The following TEK variants were observed in gnomAD, a reference collection of about 807,000 sequenced individuals.
The protein encoded by TEK is TEK receptor tyrosine kinase.
TEK carries 43 observed loss-of-function variants against 131.8 expected under a neutral mutation model. The observed-to-expected ratio is 0.33, with a 90% CI of 0.26 to 0.42. The LOEUF (loss-of-function observed/expected upper bound fraction) is 0.42. Among genes scored for constraint, TEK ranks in the 10% least tolerant of loss-of-function variants. TEK has a pLI of 1.00. For synonymous variants in TEK, 580 were observed against 491.6 expected (o/e 1.18, Z -2.38); for missense variants, 1,162 against 1,384.4 (o/e 0.84, Z 2.55).
intron 1 of TEK, among the ~76,000 whole-genome samples, chr9:27,118,883 T>C (rs111405455): frequency 8.9e-4 from 136 of 152,266 alleles, no homozygotes; most frequent in African/African-American, 3.0e-3. Flanking sequence ...TCTTTCTTCA[T>C]AGAGGACACT....
chr9:27,185,446 C>T (rs1307751149), intron 8 of TEK, 39 bp from the exon 9 acceptor site: 1 of 1,613,004 alleles, frequency 6.2e-7, no homozygotes, highest in South Asian at 1.1e-5. Flanking sequence ...GTTTATGCCT[C>T]CCTAGAAGTT....
chr9:27,202,693 T>G, intron 12 of TEK, 127 bp from the exon 13 acceptor site: 1 of 971,864 alleles, frequency 1.0e-6, no homozygotes. Flanking sequence ...TACCAATTGA[T>G]TGGGGTACCA....
At chr9:27,109,736 A>AG in intron 1 of TEK, 94 bp downstream of exon 1, 5 of 1,278,172 alleles carry the variant, frequency 3.9e-6, no homozygotes, top group Non-Finnish European at 4.5e-6. Flanking sequence ...AGTGCTGATG[A>AG]ACAAGGGGTG....
Position 27,146,746 on chromosome 9 carries a change from G to C in TEK, c.53-11085G>C, listed in dbSNP as rs4311734. ...TTTTTTTTTTTTTTTTTTTTGGCGG[G>C]GGGGACGGAGTCTTGCTCTGTCTCC... On this transcript the variant is annotated intron_variant, in intron 1 of 22. Transcript: ENST00000380036. Among the ~76,000 whole-genome samples, 952 of 146,192 alleles carry C rather than the reference G, an allele frequency of 6.5e-3. 9 individuals are homozygous for C. Among genetic ancestry groups the C allele is most frequent in the East Asian group, 0.041 (211 of 5,092 alleles).
intron 1 of TEK, among the ~76,000 whole-genome samples, chr9:27,116,168 T>G (rs530265001): frequency 6.6e-6 from 1 of 152,206 alleles, no homozygotes; most frequent in East Asian, 1.9e-4. Flanking sequence ...GGGAGGAGAA[T>G]AAGTCATTGC....
chr9:27,198,064 C>A (rs1412729862), intron 12 of TEK, among the ~76,000 whole-genome samples: 1 of 122,432 alleles, frequency 8.2e-6, no homozygotes, highest in African/African-American at 2.9e-5. Context: ...CTTTTTTTTT[C>A]CAAAGTATTT....
intron 21 of TEK, among the ~76,000 whole-genome samples, chr9:27,227,649 C>G (rs374120503): frequency 6.6e-6 from 1 of 152,084 alleles, no homozygotes; most frequent in African/African-American, 2.4e-5. Flanking sequence ...TGTAAGAGCA[C>G]GAATCCCATT....
chr9:27,216,458 G>T (rs1825823836), intron 18 of TEK, among the ~76,000 whole-genome samples: 1 of 152,162 alleles, frequency 6.6e-6, no homozygotes, highest in Non-Finnish European at 1.5e-5. Flanking sequence ...GGGAGTGAAT[G>T]AGGGCAAAAA....
intron 12 of TEK, among the ~76,000 whole-genome samples, chr9:27,198,703 G>T (rs1274726791): frequency 6.6e-6 from 1 of 152,194 alleles, no homozygotes; most frequent in South Asian, 2.1e-4. Context: ...AGGTGTATCA[G>T]TATCTCCTGC....
At chr9:27,177,465 T>C (rs1167047035) in intron 6 of TEK, among the ~76,000 whole-genome samples, 1 of 152,190 alleles carries the variant, frequency 6.6e-6, no homozygotes, top group East Asian at 1.9e-4. Context: ...TTTTAAGAGA[T>C]GTCGGCTGGG....
intron 1 of TEK, among the ~76,000 whole-genome samples, chr9:27,112,695 C>T (rs1821393442): frequency 6.6e-6 from 1 of 152,158 alleles, no homozygotes; most frequent in Non-Finnish European, 1.5e-5. Flanking sequence ...GATTGTATCA[C>T]CTGCTTATTC....
At chr9:27,167,041 T>C (rs1232768799) in intron 2 of TEK, among the ~76,000 whole-genome samples, 1 of 152,200 alleles carries the variant, frequency 6.6e-6, no homozygotes, top group Non-Finnish European at 1.5e-5. Context: ...AGCTAATGCC[T>C]CCTTATGTCA....
At chr9:27,136,707 T>C (rs12552985) in intron 1 of TEK, among the ~76,000 whole-genome samples, 34,159 of 152,116 alleles carry the variant, frequency 0.22, 4,534 homozygotes, top group Admixed American at 0.3. Context: ...ACTTCACAAG[T>C]ATCAGTCTCC....
intron 1 of TEK, among the ~76,000 whole-genome samples, chr9:27,116,083 A>G (rs1821548434): frequency 6.6e-6 from 1 of 152,140 alleles, no homozygotes; most frequent in Non-Finnish European, 1.5e-5. Flanking sequence ...TGAGGATAAC[A>G]GGGGGCTTGA....
chr9:27,144,519 A>G (rs1332610143), intron 1 of TEK, among the ~76,000 whole-genome samples: 2 of 152,210 alleles, frequency 1.3e-5, no homozygotes, highest in African/African-American at 2.4e-5. Context: ...TTAGGCCTGC[A>G]GTTTGATAGA....
chr9:27,141,119 G>A (rs1822707621), intron 1 of TEK, among the ~76,000 whole-genome samples: 3 of 152,106 alleles, frequency 2.0e-5, no homozygotes, highest in East Asian at 1.9e-4. Flanking sequence ...TCTTTCTATA[G>A]GTCACTTAAA....
intron 1 of TEK, among the ~76,000 whole-genome samples, chr9:27,129,138 G>A (rs1473810841): frequency 1.3e-5 from 2 of 152,068 alleles, no homozygotes; most frequent in Admixed American, 1.3e-4. Flanking sequence ...TTAATATTTT[G>A]AGATATGTCC....
In TEK at chr9:27,184,636, T is replaced by A. The variant is rs570654310; in HGVS notation, c.1183-849T>A. On this transcript the variant is annotated intron_variant, in intron 8 of 22. Coordinates refer to ENST00000380036, the MANE Select transcript of TEK (RefSeq NM_000459.5). The stretch of plus-strand genomic sequence containing the variant: ...AAGTAATGGCTACTATTTAGTAAGG[T>A]TGGCCATAACTATATGTAACTTCTT... Among the ~76,000 whole-genome samples the A allele has an allele frequency of 4.6e-5, 7 of 152,340 alleles. No individual in the cohort carries two copies. The East Asian group carries it at 1.3e-3, about 29-fold the overall frequency.
intron 1 of TEK, among the ~76,000 whole-genome samples, chr9:27,112,486 C>G (rs1821384752): frequency 6.6e-6 from 1 of 152,158 alleles, no homozygotes. Flanking sequence ...CAGCATTTCC[C>G]TTTCAGCCCT....
Sources: allele counts gnomAD v4.1 joint callset (sites outside exome capture counted in the v4.1 genomes callset), GRCh38; gene constraint gnomAD v4.1.1; transcripts MANE v1.5; gene names NCBI Gene and HGNC (gene_info 2026-07-23, HGNC 2026-07-21).